CTNNA2: variants seen among roughly 807,000 people sequenced by gnomAD.
CTNNA2 encodes the protein catenin alpha-2.
A neutral mutation model predicts 101.0 loss-of-function variants in CTNNA2; 42 were observed. The observed-to-expected ratio is 0.42, with a 90% CI of 0.32 to 0.54. The LOEUF is 0.54. Among genes scored for constraint, CTNNA2 ranks in the 20% least tolerant of loss-of-function variants. The pLI, the probability that CTNNA2 is intolerant of heterozygous loss-of-function variation, is 0.14. For missense variants in CTNNA2, 871 were observed against 1,223.1 expected (o/e 0.71, Z 4.29); for synonymous variants, 450 against 456.4 (o/e 0.99, Z 0.18).
At chr2:79,767,295 T>G (rs539830983) in intron 3 of CTNNA2, among the ~76,000 whole-genome samples, 1 of 152,138 alleles carries the variant, frequency 6.6e-6, no homozygotes, top group Non-Finnish European at 1.5e-5. Flanking sequence ...ACAGCTATTT[T>G]GAATTATCTG....
chr2:80,563,200 T>C (rs997185380), intron 12 of CTNNA2, among the ~76,000 whole-genome samples: 1 of 152,140 alleles, frequency 6.6e-6, no homozygotes, highest in Non-Finnish European at 1.5e-5. Context: ...GGCCTACATA[T>C]TGTGTCTAGC....
At chr2:79,206,837 A>C (rs1674106205) in intron 2 of CTNNA2, among the ~76,000 whole-genome samples, 1 of 152,214 alleles carries the variant, frequency 6.6e-6, no homozygotes, top group Non-Finnish European at 1.5e-5. Flanking sequence ...AATCAATAAA[A>C]TCATAGAGGA....
At chr2:79,397,203 A>C (rs1253130584) in intron 4 of CTNNA2, among the ~76,000 whole-genome samples, 1 of 152,178 alleles carries the variant, frequency 6.6e-6, no homozygotes, top group Non-Finnish European at 1.5e-5. Context: ...TCAAACATTT[A>C]TCTTTTCTTT....
chr2:79,928,505 G>A (rs13421456), intron 7 of CTNNA2, among the ~76,000 whole-genome samples: 13,027 of 152,138 alleles, frequency 0.086, 653 homozygotes, highest in East Asian at 0.2. Context: ...CATTGTGGTC[G>A]TTCAGGTTGT....
chr2:80,634,138 CAT>C (rs72524004), intron 18 of CTNNA2, among the ~76,000 whole-genome samples: 1,661 of 152,160 alleles, frequency 0.011, 22 homozygotes, highest in African/African-American at 0.036. Context: ...ATGGAGGACT[CAT>C]ATGCTAGGCA....
chr2:79,424,866 T>C (rs1332451353), intron 4 of CTNNA2, among the ~76,000 whole-genome samples: 1 of 152,196 alleles, frequency 6.6e-6, no homozygotes, highest in Admixed American at 6.5e-5. Context: ...TTTTTATTTA[T>C]TTAATGTAGG....
intron 3 of CTNNA2, among the ~76,000 whole-genome samples, chr2:79,852,784 A>G (rs1287984311): frequency 6.6e-6 from 1 of 151,700 alleles, no homozygotes; most frequent in African/African-American, 2.4e-5. Flanking sequence ...TAGAGACAGG[A>G]TTTCACCATA....
At chr2:80,306,087 G>T (rs1157050345) in intron 7 of CTNNA2, among the ~76,000 whole-genome samples, 2 of 152,146 alleles carry the variant, frequency 1.3e-5, no homozygotes, top group African/African-American at 4.8e-5. Context: ...AGTCACCAAA[G>T]ACTGGTGGTA....
At chr2:80,272,326 A>G (rs1673558967) in intron 7 of CTNNA2, among the ~76,000 whole-genome samples, 2 of 152,238 alleles carry the variant, frequency 1.3e-5, no homozygotes, top group Non-Finnish European at 1.5e-5. Flanking sequence ...GAACAAAAAT[A>G]CCGTTCCATC....
At chr2:80,474,426 C>T (rs1685555175) in intron 9 of CTNNA2, among the ~76,000 whole-genome samples, 2 of 152,036 alleles carry the variant, frequency 1.3e-5, no homozygotes, top group Admixed American at 1.3e-4. Flanking sequence ...GGATCCACCC[C>T]CACCATATCC....
intron 2 of CTNNA2, among the ~76,000 whole-genome samples, chr2:79,285,234 T>A (rs1364855541): frequency 1.3e-5 from 2 of 150,392 alleles, no homozygotes; most frequent in Non-Finnish European, 3.0e-5. Flanking sequence ...TTTGAAGGGT[T>A]TTTTGTGTCT....
At chr2:79,373,132 T>G (rs954481966) in intron 3 of CTNNA2, among the ~76,000 whole-genome samples, 2 of 152,188 alleles carry the variant, frequency 1.3e-5, no homozygotes, top group East Asian at 3.8e-4. Context: ...AGCAAATACT[T>G]TGTTACAGAG....
At chr2:80,554,924 T>C (rs1457969128) in intron 11 of CTNNA2, among the ~76,000 whole-genome samples, 1 of 152,184 alleles carries the variant, frequency 6.6e-6, no homozygotes, top group South Asian at 2.1e-4. Flanking sequence ...TGCAAGGGAA[T>C]AAATAATGTG....
chr2:79,650,567 A>G (rs1433932070), intron 1 of CTNNA2, among the ~76,000 whole-genome samples: 1 of 150,110 alleles, frequency 6.7e-6, no homozygotes, highest in Non-Finnish European at 1.5e-5. Context: ...TGTTCTCTCC[A>G]GACTGACATT....
At chr2:79,376,583 C>T (rs1311364558) in intron 4 of CTNNA2, among the ~76,000 whole-genome samples, 1 of 151,998 alleles carries the variant, frequency 6.6e-6, no homozygotes, top group Admixed American at 6.6e-5. Flanking sequence ...GTGCTGCACC[C>T]ATTAACTCCT....
At chr2:80,523,901 T>G (rs1030825436) in intron 9 of CTNNA2, among the ~76,000 whole-genome samples, 2 of 152,102 alleles carry the variant, frequency 1.3e-5, no homozygotes, top group African/African-American at 4.8e-5. Flanking sequence ...TAGGGGAAAT[T>G]GGTTGAGGAA....
chr2:80,161,830 C>A (rs1704342060), intron 7 of CTNNA2, among the ~76,000 whole-genome samples: 1 of 152,056 alleles, frequency 6.6e-6, no homozygotes, highest in African/African-American at 2.4e-5. Flanking sequence ...ACTTATACCT[C>A]AAATGTGGTT....
intron 7 of CTNNA2, among the ~76,000 whole-genome samples, chr2:80,274,576 A>T (rs1443046035): frequency 6.6e-6 from 1 of 152,166 alleles, no homozygotes; most frequent in East Asian, 1.9e-4. Context: ...ATATCTTCCT[A>T]AAGAACTAAT....
At chr2:80,485,749 C>CA (rs1686522545) in intron 9 of CTNNA2, among the ~76,000 whole-genome samples, 2 of 152,204 alleles carry the variant, frequency 1.3e-5, no homozygotes, top group East Asian at 3.9e-4. Flanking sequence ...AACAGAATCA[C>CA]AAAAAAGTCC....
Sources: allele counts gnomAD v4.1 joint callset (sites outside exome capture counted in the v4.1 genomes callset), GRCh38; gene constraint gnomAD v4.1.1; transcripts MANE v1.5; gene names NCBI Gene and HGNC (gene_info 2026-07-23, HGNC 2026-07-21).